SEPTIN12: variants seen among roughly 807,000 people sequenced by gnomAD.
SEPTIN12 encodes septin 12, also known as septin-12.
A neutral mutation model predicts 37.7 loss-of-function variants in SEPTIN12; 42 were observed. The ratio of observed to expected loss-of-function variants is 1.11; its 90% CI spans 0.87 to 1.44. SEPTIN12 has a LOEUF of 1.44. SEPTIN12 is among the 40% of genes most tolerant of loss of function. The probability of loss-of-function intolerance (pLI) is 0.00; values close to 1 mark genes in which losing one functional copy is unlikely to be tolerated. For missense variants in SEPTIN12, 613 were observed against 479.2 expected, an observed-to-expected ratio of 1.28 and a Z score of -2.61; for synonymous variants, 254 against 196.7, an observed-to-expected ratio of 1.29 and a Z score of -2.44.
At chr16:4,786,241 C>G (rs896549774) in intron 2 of SEPTIN12, 136 bp from the exon 3 acceptor site, 7 of 1,161,950 alleles carry the variant, frequency 6.0e-6, no homozygotes, top group Non-Finnish European at 7.1e-6. Context: ...TGATGCAATC[C>G]CCGTTCACTG....
chr16:4,783,610 C>G (rs370057390), intron 6 of SEPTIN12, 39 bp downstream of exon 6: 1 of 1,610,596 alleles, frequency 6.2e-7, no homozygotes, highest in Non-Finnish European at 8.5e-7. Flanking sequence ...CTGCCCTCTG[C>G]CCCCGCTGAC....
At chr16:4,782,234 G>C (rs766289707) in intron 7 of SEPTIN12, among the ~76,000 whole-genome samples, 53 of 152,260 alleles carry the variant, frequency 3.5e-4, no homozygotes, top group Middle Eastern at 3.4e-3. Context: ...ACAGGCATGA[G>C]CCACTGAGCC....
intron 4 of SEPTIN12, 29 bp downstream of exon 4, chr16:4,785,776 CTA>C: frequency 7.4e-7 from 1 of 1,349,294 alleles, no homozygotes; most frequent in Non-Finnish European, 1.0e-6. Context: ...GAAACTCTGC[CTA>C]AAAAAAAAAA....
In SEPTIN12 at chr16:4,779,794, A is replaced by G; in HGVS notation, c.727-8T>C. On this transcript the variant is annotated splice_polypyrimidine_tract_variant and splice_region_variant and intron_variant, in intron 7 of 9. Transcript: ENST00000268231. Reference sequence around the variant, plus strand: ...GGCAAAAGGGATTCGGTCCTGGGAAAGGAGAAGACACAGAGATGGGAGGAT... The same window carrying G: ...GGCAAAAGGGATTCGGTCCTGGGAAGGGAGAAGACACAGAGATGGGAGGAT... The G allele has an allele frequency of 6.3e-7, 1 of 1,592,728 alleles. No individual in the cohort carries two copies. The highest frequency in any genetic ancestry group is 8.6e-7 in the Non-Finnish European group (1 of 1,160,468).
chr16:4,777,905 G>C lies in SEPTIN12; in HGVS notation c.969C>G (p.Arg323=), dbSNP rs748910273. ...IRLNESHLLP[R]GPGWVNLAPA... is the part of the protein sequence containing the mutation. The stretch of plus-strand genomic sequence containing the variant: ...GGGCCAGGTTCACCCAGCCGGGCCC[G>C]CGGGGCAGCAGGTGGCTTTCATTGA... The change falls in exon 10 of 10, where the codon CGC becomes CGG. Residue 323 remains arginine, a synonymous_variant. Transcript: ENST00000268231. 1 of 1,601,840 alleles carries C rather than the reference G, an allele frequency of 6.2e-7. No individual in the cohort carries two copies. Among genetic ancestry groups the C allele is most frequent in the Non-Finnish European group, 8.5e-7 (1 of 1,174,860 alleles).
At chr16:4,785,119 G>C (rs755826332) in intron 4 of SEPTIN12, among the ~76,000 whole-genome samples, 2 of 151,864 alleles carry the variant, frequency 1.3e-5, no homozygotes, top group African/African-American at 4.8e-5. Context: ...GCGTGTTGGC[G>C]GATGTCTGTA....
chr16:4,791,393 C>T (rs2082548819), upstream of SEPTIN12, among the ~76,000 whole-genome samples: 1 of 152,202 alleles, frequency 6.6e-6, no homozygotes, highest in Admixed American at 6.5e-5. Context: ...ACAGGGCATT[C>T]AGTGCACGTT....
chr16:4,782,329 C>G (rs2082381580), intron 7 of SEPTIN12, among the ~76,000 whole-genome samples: 1 of 152,238 alleles, frequency 6.6e-6, no homozygotes, highest in Non-Finnish European at 1.5e-5. Context: ...ATAGGCCGCA[C>G]TGTGTTTCCC....
At position 4,783,776 on chromosome 16, in the gene SEPTIN12, G is replaced by A; in HGVS notation, c.513-10C>T. 6.2e-7 allele frequency: 1 copy of A among 1,613,084 alleles called. No homozygotes were observed. The highest frequency in any genetic ancestry group is 1.1e-5 in the South Asian group (1 of 91,054). On this transcript the variant is annotated splice_polypyrimidine_tract_variant and intron_variant, in intron 5 of 9. Coordinates refer to ENST00000268231, the MANE Select transcript of SEPTIN12 (RefSeq NM_144605.5). The stretch of plus-strand genomic sequence containing the variant: ...GTCCAGGGGCCGCAGGCTGCCGGAG[G>A]CAGGGCAGTGATGGGGGTGGCGGTG...
At chr16:4,784,500 T>G (rs1333740419) in intron 4 of SEPTIN12, among the ~76,000 whole-genome samples, 1 of 150,068 alleles carries the variant, frequency 6.7e-6, no homozygotes, top group East Asian at 2.0e-4. Context: ...CCAGGCCCGA[T>G]GGCTCATGCC....
At chr16:4,779,214 A>G (rs910000551) in intron 8 of SEPTIN12, among the ~76,000 whole-genome samples, 1 of 151,994 alleles carries the variant, frequency 6.6e-6, no homozygotes, top group African/African-American at 2.4e-5. Flanking sequence ...CACTTTCCCT[A>G]GCTCCCTAAG....
At chr16:4,785,406 G>C (rs991913766) in intron 4 of SEPTIN12, among the ~76,000 whole-genome samples, 19 of 151,276 alleles carry the variant, frequency 1.3e-4, no homozygotes, top group African/African-American at 4.6e-4. Flanking sequence ...CAGGTCTGGG[G>C]TGTTTCCCAA....
chr16:4,779,676 G>A lies in SEPTIN12; in HGVS notation c.823+14C>T. On this transcript the variant is annotated intron_variant, in intron 8 of 9. Coordinates refer to ENST00000268231, the MANE Select transcript of SEPTIN12 (RefSeq NM_144605.5). ...TGACCCCACCTGCATCCTACCCAGG[G>A]GCCCCGCACTGACCTTCAATGATGC... is the stretch of plus-strand genomic sequence containing the variant. 6.4e-7 allele frequency: 1 copy of A among 1,567,258 alleles called. No individual in the cohort carries two copies. Among genetic ancestry groups the A allele is most frequent in the South Asian group, 1.1e-5 (1 of 90,210 alleles).
chr16:4,784,648 T>G (rs2082414176), intron 4 of SEPTIN12, among the ~76,000 whole-genome samples: 1 of 109,994 alleles, frequency 9.1e-6, no homozygotes, highest in African/African-American at 3.0e-5. Flanking sequence ...CACGTGCCTG[T>G]GGTCACAGCT....
At chr16:4,778,769 C>T (rs2082340836) in intron 8 of SEPTIN12, among the ~76,000 whole-genome samples, 1 of 151,690 alleles carries the variant, frequency 6.6e-6, no homozygotes, top group African/African-American at 2.4e-5. Context: ...CACTGCACTC[C>T]AGCCTGAGTG....
chr16:4,783,978 G>T lies in SEPTIN12; in HGVS notation c.465C>A (p.Asp155Glu). 6.2e-7 allele frequency: 1 copy of T among 1,614,204 alleles called. No homozygotes were observed. Among genetic ancestry groups the T allele is most frequent in the Non-Finnish European group, 8.5e-7 (1 of 1,180,036 alleles). ...AGTACACGCAGCAGTGCACCCGGGT[G>T]TCTGGGATGTGGCGCTGGCGGGTGA... Reference protein sequence around the residue: ...ILITRQRHIPDTRVHCCVYFV... With the variant: ...ILITRQRHIPETRVHCCVYFV... Residue 155 changes from aspartate to glutamate, a missense_variant, in exon 5 of 10, where the codon GAC becomes GAA. Transcript: ENST00000268231.
In SEPTIN12 at chr16:4,783,396, C is replaced by T. The variant is rs190751029; in HGVS notation, c.726+66G>A. The T allele has an allele frequency of 3.4e-3, 4,095 of 1,188,814 alleles. 9 individuals are homozygous for T. Among genetic ancestry groups the T allele is most frequent in the Middle Eastern group, 0.012 (46 of 3,968 alleles). 73.6% of individuals were successfully genotyped at this position (1,188,814 alleles called of 1,614,324 possible). On this transcript the variant is annotated intron_variant, in intron 7 of 9. Transcript: ENST00000268231. ...CCCTGAGATGTAGAGAAAGATGAGT[C>T]TTTGGATGGAAAGGATGTGTGGGAA...
At chr16:4,778,221 C>T (rs1319231423) in intron 8 of SEPTIN12, 84 bp from the exon 9 acceptor site, 1 of 1,390,290 alleles carries the variant, frequency 7.2e-7, no homozygotes, top group East Asian at 2.3e-5. Context: ...ACACCATTTC[C>T]CTTAGCCCTT....
chr16:4,781,133 C>A (rs541703170), intron 7 of SEPTIN12, among the ~76,000 whole-genome samples: 45 of 152,004 alleles, frequency 3.0e-4, no homozygotes, highest in African/African-American at 9.2e-4. Flanking sequence ...GTATTGTGCA[C>A]CTATAGTCCC....
Sources: allele counts gnomAD v4.1 joint callset (sites outside exome capture counted in the v4.1 genomes callset), GRCh38; gene constraint gnomAD v4.1.1; transcripts MANE v1.5; gene names NCBI Gene and HGNC (gene_info 2026-07-23, HGNC 2026-07-21).